The following CPM variants were observed in gnomAD, a reference collection of about 807,000 sequenced individuals.
The protein encoded by CPM is renal carboxypeptidase.
CPM carries 35 observed loss-of-function variants against 46.4 expected under a neutral mutation model. The ratio of observed to expected loss-of-function variants is 0.75; its 90% CI spans 0.58 to 1.00. The LOEUF is 1.00. CPM is among the 50% of genes least tolerant of loss of function. CPM has a pLI of 0.00. For missense variants in CPM, 422 were observed against 530.4 expected, an observed-to-expected ratio of 0.80 and a Z score of 2.01; for synonymous variants, 195 against 195.3, an observed-to-expected ratio of 1.00 and a Z score of 0.01.
intron 4 of CPM, among the ~76,000 whole-genome samples, chr12:68,871,401 T>C (rs1209980969): frequency 6.6e-6 from 1 of 152,134 alleles, no homozygotes; most frequent in Non-Finnish European, 1.5e-5. Context: ...TCAGGGGATC[T>C]AGTGTATGAC....
In CPM at chr12:68,925,956, G is replaced by A. The variant is rs190803519; in HGVS notation, c.160+6722C>T. ...ATGGGGGTCTCACCCTATCACCCAG[G>A]TTAGAGTGCAGTGGCACAATTACAA... On this transcript the variant is annotated intron_variant, in intron 2 of 8. Transcript: ENST00000551568. 2.0e-5 allele frequency among the ~76,000 whole-genome samples: 3 copies of A among 152,212 alleles called. No homozygotes were observed. The East Asian group carries it at 5.8e-4, about 29-fold the overall frequency.
intron 1 of CPM, among the ~76,000 whole-genome samples, chr12:68,938,823 C>T (rs545140209): frequency 6.6e-5 from 10 of 150,668 alleles, no homozygotes; most frequent in African/African-American, 1.9e-4. Context: ...CACACACACA[C>T]GTATATCTAT....
chr12:68,864,184 C>G (rs944702780), intron 7 of CPM, among the ~76,000 whole-genome samples: 12 of 152,232 alleles, frequency 7.9e-5, no homozygotes, highest in Non-Finnish European at 4.4e-5. Flanking sequence ...GTGGCTCATG[C>G]CTGTAATCCC....
At chr12:68,931,850 C>T (rs1888526157) in intron 2 of CPM, among the ~76,000 whole-genome samples, 1 of 151,650 alleles carries the variant, frequency 6.6e-6, no homozygotes, top group Non-Finnish European at 1.5e-5. Context: ...CCAGTCCTGG[C>T]TATAAAATTC....
chr12:68,889,488 T>C (rs1045671051), intron 2 of CPM, among the ~76,000 whole-genome samples: 1 of 152,152 alleles, frequency 6.6e-6, no homozygotes, highest in Non-Finnish European at 1.5e-5. Flanking sequence ...TAAAACAGAC[T>C]TTCTATTAAA....
At chr12:68,918,187 G>C (rs753334303) in intron 2 of CPM, among the ~76,000 whole-genome samples, 6 of 152,018 alleles carry the variant, frequency 3.9e-5, no homozygotes, top group Non-Finnish European at 8.8e-5. Context: ...CCTCATTACT[G>C]ATCTTTTCCC....
chr12:68,889,900 C>T (rs1029484486), intron 2 of CPM, among the ~76,000 whole-genome samples: 5 of 152,124 alleles, frequency 3.3e-5, no homozygotes, highest in Admixed American at 2.6e-4. Flanking sequence ...TACCCCTGAT[C>T]GAGAAACAGG....
intron 1 of CPM, among the ~76,000 whole-genome samples, chr12:68,961,652 A>T (rs1463967742): frequency 1.3e-5 from 2 of 151,920 alleles, no homozygotes; most frequent in Non-Finnish European, 2.9e-5. Flanking sequence ...GGTGGCTCGC[A>T]CTTGTAATCC....
At chr12:68,901,281 A>G (rs1237465494) in intron 2 of CPM, among the ~76,000 whole-genome samples, 2 of 152,180 alleles carry the variant, frequency 1.3e-5, no homozygotes, top group South Asian at 2.1e-4. Flanking sequence ...GTAAGAAACT[A>G]TGCCCCCATG....
chr12:68,844,725 A>G (rs1401710921), intron 5 of CPM: 1 of 214,264 alleles, frequency 4.7e-6, no homozygotes, highest in East Asian at 6.9e-5. Context: ...TTTTGGCATT[A>G]TATAATTAAG....
At chr12:68,935,067 G>A (rs773122146), upstream of CPM, among the ~76,000 whole-genome samples, 1 of 151,920 alleles carries the variant, frequency 6.6e-6, no homozygotes, top group African/African-American at 2.4e-5. Context: ...CTGCCACCAG[G>A]CCCGGCTAAT....
chr12:68,935,869 A>G (rs143930183), upstream of CPM, among the ~76,000 whole-genome samples: 1 of 152,296 alleles, frequency 6.6e-6, no homozygotes, highest in East Asian at 1.9e-4. Context: ...TTTTAAGAGA[A>G]GTACGTGGAC....
chr12:68,898,787 G>C (rs755274421), intron 2 of CPM, among the ~76,000 whole-genome samples: 11 of 152,122 alleles, frequency 7.2e-5, no homozygotes, highest in Non-Finnish European at 1.3e-4. Flanking sequence ...TGTGGTATTG[G>C]GCAAATTGCT....
chr12:68,928,689 T>G (rs1888372160), intron 2 of CPM, among the ~76,000 whole-genome samples: 1 of 152,084 alleles, frequency 6.6e-6, no homozygotes, highest in Admixed American at 6.5e-5. Flanking sequence ...TTATCCCGCC[T>G]ACTGTATTCA....
intron 2 of CPM, among the ~76,000 whole-genome samples, chr12:68,891,009 C>T (rs75989397): frequency 0.039 from 5,947 of 152,336 alleles, 413 homozygotes; most frequent in African/African-American, 0.14. Flanking sequence ...CTGTGTGTAT[C>T]CTTACAAGTC....
intron 1 of CPM, among the ~76,000 whole-genome samples, chr12:68,950,551 T>C (rs1888917592): frequency 6.6e-6 from 1 of 152,134 alleles, no homozygotes; most frequent in Admixed American, 6.5e-5. Flanking sequence ...AGGTGGGAGT[T>C]AAGTGCCTAT....
intron 2 of CPM, among the ~76,000 whole-genome samples, chr12:68,917,519 C>A (rs1360610029): frequency 6.6e-6 from 1 of 152,198 alleles, no homozygotes; most frequent in Non-Finnish European, 1.5e-5. Context: ...TCAACATTAA[C>A]CATGACCTCT....
chr12:68,896,325 T>C (rs1311173400), intron 2 of CPM, among the ~76,000 whole-genome samples: 1 of 152,154 alleles, frequency 6.6e-6, no homozygotes, highest in African/African-American at 2.4e-5. Context: ...CTTTCATAGA[T>C]AGTACCCCTG....
chr12:68,926,599 A>G (rs950431941), intron 2 of CPM, among the ~76,000 whole-genome samples: 2 of 151,972 alleles, frequency 1.3e-5, no homozygotes, highest in African/African-American at 4.8e-5. Flanking sequence ...TTTAGGGTAC[A>G]TGTGCACAAT....
Sources: gnomAD v4.1 joint callset for allele counts (sites outside exome capture counted in the v4.1 genomes callset) on GRCh38, gnomAD v4.1.1 for gene constraint, MANE v1.5 for transcripts, NCBI Gene and HGNC (gene_info 2026-07-23, HGNC 2026-07-21) for gene names.